The following LOC128462377 variants were observed in gnomAD, a reference collection of about 807,000 sequenced individuals.
At chr16:89,393,018 CT>C in the LOC128462377 span, among the ~76,000 whole-genome samples, 1 of 151,986 alleles carries the variant, frequency 6.6e-6, no homozygotes, top group Non-Finnish European at 1.5e-5. Context: ...TCACATTCTA[CT>C]TCTTATTCAA....
chr16:89,321,729 G>C, the LOC128462377 span, among the ~76,000 whole-genome samples: 1 of 152,216 alleles, frequency 6.6e-6, no homozygotes, highest in Non-Finnish European at 1.5e-5. Flanking sequence ...CTTTGGGGTT[G>C]AAATTCACCT....
chr16:89,352,304 C>G, the LOC128462377 span, among the ~76,000 whole-genome samples: 3 of 151,902 alleles, frequency 2.0e-5, no homozygotes, highest in African/African-American at 7.3e-5. Flanking sequence ...CATCACGCCA[C>G]GCGGTGCAGA....
chr16:89,412,051 T>C, the LOC128462377 span, among the ~76,000 whole-genome samples: 24 of 82,080 alleles, frequency 2.9e-4, no homozygotes, highest in Admixed American at 5.0e-4. Context: ...GGCTGAGATG[T>C]CTCCCAGAGT....
the LOC128462377 span, among the ~76,000 whole-genome samples, chr16:89,321,483 T>C: frequency 1.2e-5 from 1 of 80,472 alleles, no homozygotes; most frequent in African/African-American, 4.8e-5. Context: ...TGGGGCCGGG[T>C]GGGGAGCCGC....
the LOC128462377 span, among the ~76,000 whole-genome samples, chr16:89,401,236 G>A: frequency 1.3e-5 from 2 of 152,078 alleles, no homozygotes; most frequent in African/African-American, 4.8e-5. Context: ...CCGCCACCAC[G>A]CCCGGCTAAC....
the LOC128462377 span, among the ~76,000 whole-genome samples, chr16:89,377,151 G>A: frequency 2.0e-5 from 3 of 152,166 alleles, no homozygotes; most frequent in Admixed American, 1.3e-4. Flanking sequence ...CAGCAGAGGC[G>A]TCAACGTGGT....
At chr16:89,344,023 G>A in the LOC128462377 span, among the ~76,000 whole-genome samples, 1 of 150,774 alleles carries the variant, frequency 6.6e-6, no homozygotes, top group Non-Finnish European at 1.5e-5. Flanking sequence ...GGTGCAGGCG[G>A]CCAGCCACTC....
At chr16:89,393,314 ATTTTTT>A in the LOC128462377 span, among the ~76,000 whole-genome samples, 2 of 139,280 alleles carry the variant, frequency 1.4e-5, no homozygotes, top group Admixed American at 1.4e-4. Flanking sequence ...TTTTATTTTT[ATTTTTT>A]TTTTTTTTGA....
the LOC128462377 span, among the ~76,000 whole-genome samples, chr16:89,375,200 T>C: frequency 6.6e-6 from 1 of 152,174 alleles, no homozygotes; most frequent in South Asian, 2.1e-4. Flanking sequence ...TGAGCTCAAG[T>C]GTGTCGGTAT....
the LOC128462377 span, among the ~76,000 whole-genome samples, chr16:89,334,085 G>A: frequency 1.6e-4 from 23 of 146,432 alleles, no homozygotes; most frequent in Non-Finnish European, 2.5e-4. Context: ...GCTGAGGTGG[G>A]TGGATCACTT....
chr16:89,403,309 CCCCCTCCTGACCGG>C, the LOC128462377 span, among the ~76,000 whole-genome samples: 2 of 152,136 alleles, frequency 1.3e-5, no homozygotes, highest in African/African-American at 4.8e-5. Context: ...TGGCCTGCTC[CCCCCTCCTGACCGG>C]CCCCTCCTGA....
the LOC128462377 span, among the ~76,000 whole-genome samples, chr16:89,415,333 C>T: frequency 7.0e-6 from 1 of 142,070 alleles, no homozygotes; most frequent in Admixed American, 7.4e-5. Flanking sequence ...GGTGCGATCT[C>T]GGTTTACTGC....
the LOC128462377 span, among the ~76,000 whole-genome samples, chr16:89,351,078 T>C: frequency 3.3e-5 from 5 of 152,146 alleles, no homozygotes; most frequent in Non-Finnish European, 5.9e-5. Flanking sequence ...AATTGATGCA[T>C]TCCAAAGTAT....
chr16:89,417,445 G>A, the LOC128462377 span, among the ~76,000 whole-genome samples: 1 of 152,116 alleles, frequency 6.6e-6, no homozygotes, highest in Non-Finnish European at 1.5e-5. Context: ...CTGGAAGGAG[G>A]GAGGACTCTG....
chr16:89,362,761 C>T, the LOC128462377 span, among the ~76,000 whole-genome samples: 1 of 152,196 alleles, frequency 6.6e-6, no homozygotes, highest in East Asian at 1.9e-4. Context: ...TCGAAGCAAG[C>T]ATTAGGTCAC....
At chr16:89,404,333 G>A in the LOC128462377 span, among the ~76,000 whole-genome samples, 3 of 152,156 alleles carry the variant, frequency 2.0e-5, no homozygotes, top group African/African-American at 7.2e-5. Flanking sequence ...GAAAATGGAA[G>A]TGCAGGAAGG....
At chr16:89,369,315 C>T in the LOC128462377 span, among the ~76,000 whole-genome samples, 1 of 152,342 alleles carries the variant, frequency 6.6e-6, no homozygotes, top group East Asian at 1.9e-4. Context: ...GTGTTCACAG[C>T]AGCGCTGCAA....
the LOC128462377 span, among the ~76,000 whole-genome samples, chr16:89,388,315 T>TTTTTTG: frequency 6.9e-6 from 1 of 145,398 alleles, no homozygotes. Context: ...TTTTTTTTTT[T>TTTTTTG]GAGACGGAGT....
chr16:89,417,710 G>A, the LOC128462377 span, among the ~76,000 whole-genome samples: 4 of 152,046 alleles, frequency 2.6e-5, no homozygotes, highest in Non-Finnish European at 5.9e-5. Flanking sequence ...AGACCACCAG[G>A]AACCTAACAA....
Sources: gnomAD v4.1 joint callset for allele counts (sites outside exome capture counted in the v4.1 genomes callset) on GRCh38, gnomAD v4.1.1 for gene constraint, MANE v1.5 for transcripts.